CCDC141: variants seen among roughly 807,000 people sequenced by gnomAD.
The protein encoded by CCDC141 is coiled-coil domain-containing protein 141.
Under a neutral mutation model 181.0 loss-of-function variants are expected in CCDC141, and 168 were observed. The ratio of observed to expected loss-of-function variants is 0.93; its 90% CI spans 0.82 to 1.05. The LOEUF is 1.05. Among genes scored for constraint, CCDC141 ranks in the 50% least tolerant of loss-of-function variants. The pLI, the probability that CCDC141 is intolerant of heterozygous loss-of-function variation, is 0.00. For missense variants in CCDC141, 1,902 were observed against 1,788.5 expected (o/e 1.06, Z -1.14); for synonymous variants, 666 against 642.3 (o/e 1.04, Z -0.56).
intron 8 of CCDC141, among the ~76,000 whole-genome samples, chr2:178,889,523 C>T (rs149188051): frequency 1.3e-5 from 2 of 152,088 alleles, no homozygotes; most frequent in Admixed American, 1.3e-4. Flanking sequence ...AATTTAATTA[C>T]CCAGAGTTTA....
intron 6 of CCDC141, among the ~76,000 whole-genome samples, chr2:178,941,462 G>A (rs1364940225): frequency 6.6e-6 from 1 of 152,106 alleles, no homozygotes; most frequent in Non-Finnish European, 1.5e-5. Context: ...AGTTATATGT[G>A]AGCATTCATC....
At chr2:178,886,968 C>T (rs2154370752) in intron 9 of CCDC141, 97 bp from the exon 10 acceptor site, 2 of 688,446 alleles carry the variant, frequency 2.9e-6, no homozygotes, top group South Asian at 5.8e-5. Context: ...TATAGATTCT[C>T]ATTATACTTG....
chr2:178,921,363 C>A (rs1452219618), intron 6 of CCDC141, among the ~76,000 whole-genome samples: 5 of 152,166 alleles, frequency 3.3e-5, no homozygotes, highest in African/African-American at 9.7e-5. Context: ...AAGTGTTAGT[C>A]CCACTTTTCT....
rs536853191 is a variant in CCDC141, at chr2:178,926,153, T to A, written c.898-7246A>T. Among the ~76,000 whole-genome samples, 6 of 151,848 alleles carry A rather than the reference T, an allele frequency of 4.0e-5. No individual in the cohort carries two copies. In the South Asian group the frequency reaches 1.2e-3, roughly 32 times the overall value. On this transcript the variant is annotated intron_variant, in intron 6 of 23. Coordinates refer to ENST00000443758, the MANE Select transcript of CCDC141 (RefSeq NM_173648.4). ...ATTTATATTGGTAGGGTGAAAAAAA[T>A]AAGGATTTAAAAAAAAATCTGAAGC...
intron 2 of CCDC141, among the ~76,000 whole-genome samples, chr2:178,985,724 A>G (rs1256815883): frequency 5.3e-5 from 8 of 152,122 alleles, no homozygotes; most frequent in Admixed American, 2.0e-4. Flanking sequence ...TAGAAGAAAT[A>G]GATAAATTCC....
chr2:178,878,016 T>C lies in CCDC141; in HGVS notation c.1847A>G (p.Lys616Arg), dbSNP rs1558948435. The C allele has an allele frequency of 6.2e-7, 1 of 1,613,932 alleles. No homozygotes were observed. The highest frequency in any genetic ancestry group is 1.3e-5 in the African/African-American group (1 of 75,040). The part of the protein sequence containing the change: ...AEKQWQLFLK[K>R]SFITQDLGLE... ...CCCTAGATCTTGTGTTATAAAACTC[T>C]TCTTTAAAAATAGCTGCCACTGCTT... Residue 616 changes from lysine to arginine, a missense_variant, in exon 12 of 24, where the codon AAG (lysine) becomes AGG (arginine). By Grantham distance (26) the Lys-to-Arg change is conservative (BLOSUM62 2). Coordinates refer to ENST00000443758, the MANE Select transcript of CCDC141 (RefSeq NM_173648.4).
At chr2:178,818,804 T>C in the CCDC141 span, among the ~76,000 whole-genome samples, 1 of 152,190 alleles carries the variant, frequency 6.6e-6, no homozygotes, top group African/African-American at 2.4e-5. Flanking sequence ...AGTAATGGGA[T>C]TGCTGGGTCA....
Position 178,837,752 on chromosome 2 carries a change from A to G in CCDC141, c.3475-8T>C. 1 of 1,585,102 alleles carries G rather than the reference A, an allele frequency of 6.3e-7. No individual in the cohort carries two copies. Among genetic ancestry groups the G allele is most frequent in the Non-Finnish European group, 8.5e-7 (1 of 1,169,594 alleles). Reference sequence around the variant, plus strand: ...TGCCACCTGCACCTGCCCCTTGAAAAAAGAAAAGCCAAATCATCCTTATTC... The same window carrying G: ...TGCCACCTGCACCTGCCCCTTGAAAGAAGAAAAGCCAAATCATCCTTATTC... On this transcript the variant is annotated splice_polypyrimidine_tract_variant and splice_region_variant and intron_variant, in intron 22 of 23. Coordinates refer to ENST00000443758, the MANE Select transcript of CCDC141 (RefSeq NM_173648.4).
chr2:179,012,512 G>A (rs547782567), intron 2 of CCDC141, among the ~76,000 whole-genome samples: 77 of 152,132 alleles, frequency 5.1e-4, no homozygotes, highest in Non-Finnish European at 8.1e-4. Context: ...AGGACCAGAT[G>A]GATTCACAGC....
intron 2 of CCDC141, among the ~76,000 whole-genome samples, chr2:178,981,701 G>A (rs548106521): frequency 0.011 from 1,285 of 112,522 alleles, 33 homozygotes; most frequent in African/African-American, 0.041. Flanking sequence ...GAGAGAGAGA[G>A]AAAAAAAAAC....
chr2:178,867,285 T>G (rs777377092), intron 16 of CCDC141, among the ~76,000 whole-genome samples: 17 of 152,332 alleles, frequency 1.1e-4, no homozygotes, highest in Admixed American at 2.0e-4. Context: ...TCTGCAATGC[T>G]AAAACAGCAC....
At chr2:179,022,160 G>A (rs1219261053) in intron 2 of CCDC141, among the ~76,000 whole-genome samples, 10 of 152,060 alleles carry the variant, frequency 6.6e-5, no homozygotes, top group Admixed American at 2.6e-4. Flanking sequence ...TGGTCTGTAC[G>A]CTTGGATTTG....
intron 5 of CCDC141, among the ~76,000 whole-genome samples, chr2:178,959,304 T>C (rs1340005543): frequency 1.4e-5 from 2 of 145,744 alleles, no homozygotes; most frequent in African/African-American, 5.1e-5. Flanking sequence ...ATTAAAAAAA[T>C]AAAAATAAAA....
intron 6 of CCDC141, among the ~76,000 whole-genome samples, chr2:178,923,548 G>T (rs1442218661): frequency 6.6e-6 from 1 of 152,200 alleles, no homozygotes; most frequent in Admixed American, 6.5e-5. Context: ...GTTGCTGCCT[G>T]CCTGCGAAGT....
At chr2:178,937,459 A>G (rs529472201) in intron 6 of CCDC141, among the ~76,000 whole-genome samples, 25 of 152,188 alleles carry the variant, frequency 1.6e-4, no homozygotes, top group Admixed American at 2.6e-4. Flanking sequence ...TCGTGGTGGA[A>G]TAGCTTTTTG....
At chr2:178,893,799 T>TCACACACA (rs56229236) in intron 8 of CCDC141, among the ~76,000 whole-genome samples, 4 of 143,638 alleles carry the variant, frequency 2.8e-5, no homozygotes, top group African/African-American at 1.0e-4. Context: ...TCTCTCTCTC[T>TCACACACA]CACACACACA....
chr2:178,853,730 C>T, intron 19 of CCDC141, 106 bp from the exon 20 acceptor site: 1 of 898,254 alleles, frequency 1.1e-6, no homozygotes, highest in Non-Finnish European at 1.7e-6. Flanking sequence ...ACTTAATGTT[C>T]ACATTGGCTT....
chr2:178,884,255 A>C (rs374074039), intron 11 of CCDC141, among the ~76,000 whole-genome samples: 2 of 150,830 alleles, frequency 1.3e-5, no homozygotes, highest in African/African-American at 2.4e-5. Flanking sequence ...AAAAAAAAAA[A>C]CCAGAATCTC....
At chr2:178,986,728 G>C (rs1415502797) in intron 2 of CCDC141, among the ~76,000 whole-genome samples, 1 of 151,886 alleles carries the variant, frequency 6.6e-6, no homozygotes, top group Non-Finnish European at 1.5e-5. Context: ...TTGCTTCAAA[G>C]AGAATAAAAT....
Sources: gnomAD v4.1 joint callset for allele counts (sites outside exome capture counted in the v4.1 genomes callset) on GRCh38, gnomAD v4.1.1 for gene constraint, MANE v1.5 for transcripts, NCBI Gene and HGNC (gene_info 2026-07-23, HGNC 2026-07-21) for gene names.